Variants in PCLO observed in about 807,000 individuals in gnomAD.
PCLO encodes the protein piccolo presynaptic cytomatrix protein.
PCLO carries 82 observed loss-of-function variants against 427.5 expected under a neutral mutation model. The ratio of observed to expected loss-of-function variants is 0.19; its 90% CI spans 0.16 to 0.23. The LOEUF (loss-of-function observed/expected upper bound fraction) is 0.23, where lower values mean the gene tolerates loss of function less well. Ranked by LOEUF, PCLO falls within the 10% of genes least tolerant of loss-of-function variation. The pLI, the probability that PCLO is intolerant of heterozygous loss-of-function variation, is 1.00. For missense variants in PCLO, 6,239 were observed against 6,115.9 expected (o/e 1.02, Z -0.67); for synonymous variants, 2,357 against 2,155.4 (o/e 1.09, Z -2.59).
intron 22 of PCLO, among the ~76,000 whole-genome samples, chr7:82,794,459 C>CTTTTTTTTTTTTTTTTTTTTGTTT (rs1791180070): frequency 1.8e-5 from 1 of 56,350 alleles, no homozygotes; most frequent in Non-Finnish European, 4.1e-5. Flanking sequence ...AATTTTTTTT[C>CTTTTTTTTTTTTTTTTTTTTGTTT]TTTTTTTTTT....
intron 3 of PCLO, among the ~76,000 whole-genome samples, chr7:83,092,564 G>A (rs1433804336): frequency 2.6e-5 from 4 of 152,222 alleles, no homozygotes; most frequent in African/African-American, 9.6e-5. Context: ...TTTTTCTAAT[G>A]TTCTGGATTC....
At chr7:82,974,697 A>T (rs977167883) in intron 3 of PCLO, among the ~76,000 whole-genome samples, 1 of 152,196 alleles carries the variant, frequency 6.6e-6, no homozygotes, top group African/African-American at 2.4e-5. Flanking sequence ...TTTATGTTTT[A>T]TGTGCGTCAA....
chr7:83,123,271 T>G (rs138712338), intron 3 of PCLO, among the ~76,000 whole-genome samples: 1,872 of 152,160 alleles, frequency 0.012, 26 homozygotes, highest in Non-Finnish European at 0.014. Context: ...GGCATAAAAG[T>G]AGACCCGTGG....
chr7:83,162,780 G>A lies in PCLO; in HGVS notation c.-188C>T. On this transcript the variant is annotated 5_prime_UTR_variant, in exon 1 of 25. Transcript: ENST00000333891. ...GGGGTTAGTCCCGCTCGCAGGTAAC[G>A]CCCGCTGCCGGTGCCTCCTCCATGT... The A allele has an allele frequency of 1.4e-6, 1 of 692,966 alleles. No homozygotes were observed. Among genetic ancestry groups the A allele is most frequent in the Non-Finnish European group, 2.3e-6 (1 of 432,682 alleles). 42.9% of individuals were successfully genotyped at this position (692,966 alleles called of 1,614,324 possible).
chr7:83,077,478 G>T (rs984396527), intron 3 of PCLO, among the ~76,000 whole-genome samples: 2 of 151,918 alleles, frequency 1.3e-5, no homozygotes, highest in Admixed American at 1.3e-4. Flanking sequence ...CTTTTTAAGT[G>T]GTTTCATCAT....
intron 20 of PCLO, chr7:82,822,073 C>T (rs1428374720): frequency 1.0e-6 from 1 of 1,000,882 alleles, no homozygotes; most frequent in East Asian, 1.1e-4. Context: ...TGCAAATCTG[C>T]TCTAAATACT....
At chr7:82,949,286 C>T (rs1248147896) in intron 6 of PCLO, among the ~76,000 whole-genome samples, 190 bp downstream of exon 6, 1 of 151,834 alleles carries the variant, frequency 6.6e-6, no homozygotes, top group Non-Finnish European at 1.5e-5. Flanking sequence ...AGCGCACACA[C>T]ACACGTGTGC....
intron 2 of PCLO, among the ~76,000 whole-genome samples, chr7:83,140,512 T>G (rs945691969): frequency 6.6e-6 from 1 of 152,198 alleles, no homozygotes; most frequent in Non-Finnish European, 1.5e-5. Context: ...GTAGTCTTTC[T>G]ATTAATCTCC....
intron 9 of PCLO, among the ~76,000 whole-genome samples, chr7:82,887,892 AC>A (rs1406149097): frequency 6.6e-6 from 1 of 152,028 alleles, no homozygotes; most frequent in Non-Finnish European, 1.5e-5. Context: ...AGATGGTGAA[AC>A]CCTGTCTCTA....
intron 3 of PCLO, among the ~76,000 whole-genome samples, chr7:82,995,202 A>G (rs1263435151): frequency 1.3e-5 from 2 of 152,022 alleles, no homozygotes; most frequent in Admixed American, 6.6e-5. Context: ...ATGAAGGTCT[A>G]TGACTGAAGC....
At chr7:82,850,760 C>A (rs1792631760) in intron 10 of PCLO, among the ~76,000 whole-genome samples, 1 of 152,132 alleles carries the variant, frequency 6.6e-6, no homozygotes. Flanking sequence ...AGGCACTACA[C>A]AATTCATCAC....
At chr7:82,999,283 A>G (rs901096018) in intron 3 of PCLO, among the ~76,000 whole-genome samples, 9 of 143,498 alleles carry the variant, frequency 6.3e-5, no homozygotes, top group African/African-American at 2.3e-4. Flanking sequence ...TTAAATATAT[A>G]TGGATATATA....
chr7:83,081,642 C>T (rs988273225), intron 3 of PCLO, among the ~76,000 whole-genome samples: 4 of 151,514 alleles, frequency 2.6e-5, no homozygotes, highest in African/African-American at 4.8e-5. Flanking sequence ...GCTATTTTTC[C>T]TATGGTACTG....
At chr7:82,990,969 G>C (rs1416493495) in intron 3 of PCLO, among the ~76,000 whole-genome samples, 1 of 152,052 alleles carries the variant, frequency 6.6e-6, no homozygotes, top group Non-Finnish European at 1.5e-5. Flanking sequence ...ACTAATTTTA[G>C]AATGAGCTAA....
In PCLO at chr7:82,951,872, T is replaced by G. The variant is rs780021824; in HGVS notation, c.9081A>C (p.Ser3027=). Residue 3027 remains serine, a synonymous_variant, in exon 5 of 25, where the codon TCA becomes TCC. Transcript: ENST00000333891. ...CATACTGACCTGTAGTAACTCTCCCTGAAGTCAGATCTACTGCTGTGTCAG... is the reference window on the plus strand; with the variant it reads ...CATACTGACCTGTAGTAACTCTCCCGGAAGTCAGATCTACTGCTGTGTCAG... The part of the protein sequence containing the change: ...EGTDTAVDLT[S]GRVTTGEVMD... The G allele has an allele frequency of 1.2e-6, 2 of 1,612,788 alleles. No individual in the cohort carries two copies. Among genetic ancestry groups the G allele is most frequent in the Non-Finnish European group, 1.7e-6 (2 of 1,179,428 alleles).
In PCLO at chr7:82,955,906, C is replaced by G. The variant is rs772637446; in HGVS notation, c.5047G>C (p.Glu1683Gln). ...NSTIADKYSA[E>Q]SSQKKTSLYF... is the part of the protein sequence containing the mutation. ...AAACTTGTTTTTTTCTGTGATGACT[C>G]TGCAGAATATTTATCTGCTATTGTA... is the stretch of plus-strand genomic sequence containing the variant. The change falls in exon 5 of 25, where the codon GAG becomes CAG. Residue 1683 changes from glutamate (E) to glutamine (Q), a missense_variant. Glu to Gln is a conservative substitution (Grantham distance 29). Around this residue, in one of 5 missense-constraint regions of PCLO, gnomAD observed 4,677 missense variants for 4,468.4 expected, o/e 1.05. Coordinates refer to ENST00000333891, the MANE Select transcript of PCLO (RefSeq NM_033026.6). 6.2e-7 allele frequency: 1 copy of G among 1,613,964 alleles called. No homozygotes were observed. The highest frequency in any genetic ancestry group is 8.5e-7 in the Non-Finnish European group (1 of 1,179,876).
rs758399155 is a variant in PCLO at position 83,155,517 on chromosome 7, T to TGAGCTGGAGGCTTAGCAGGACCAAGAG, written c.1123_1124insCTCTTGGTCCTGCTAAGCCTCCAGCTC (p.Gln374_Gln375insProLeuGlyProAlaLysProProAla). Reference sequence around the variant, plus strand: ...CGATGAAGGCTTCTCTGACCCAGTCTGCTGAGCTGGAGGCTTAGCAGGACC... The same window carrying TGAGCTGGAGGCTTAGCAGGACCAAGAG: ...CGATGAAGGCTTCTCTGACCCAGTCTGAGCTGGAGGCTTAGCAGGACCAAGAGGCTGAGCTGGAGGCTTAGCAGGACC... On this transcript the variant is annotated inframe_insertion, in exon 2 of 25. Transcript: ENST00000333891. The TGAGCTGGAGGCTTAGCAGGACCAAGAG allele has an allele frequency of 0.053, 84,770 of 1,608,078 alleles. 4,761 individuals are homozygous for TGAGCTGGAGGCTTAGCAGGACCAAGAG. The highest frequency in any genetic ancestry group is 0.25 in the East Asian group (10,991 of 44,620).
chr7:83,151,679 TG>T (rs913441462), intron 2 of PCLO, among the ~76,000 whole-genome samples: 14 of 152,196 alleles, frequency 9.2e-5, no homozygotes, highest in African/African-American at 3.4e-4. Flanking sequence ...TCACCTTTCA[TG>T]AAGATAGCTG....
At chr7:83,013,326 G>A (rs866108515) in intron 3 of PCLO, among the ~76,000 whole-genome samples, 22 of 152,214 alleles carry the variant, frequency 1.4e-4, no homozygotes, top group Middle Eastern at 3.4e-3. Flanking sequence ...TTGGTACACT[G>A]CACTGCATTA....
Sources: gnomAD v4.1 joint callset for allele counts (sites outside exome capture counted in the v4.1 genomes callset) on GRCh38, gnomAD v4.1.1 for gene constraint, gnomAD v4.1.1 regional missense constraint, MANE v1.5 for transcripts, NCBI Gene and HGNC (gene_info 2026-07-23, HGNC 2026-07-21) for gene names.